ZZZ3: variants seen among roughly 807,000 people sequenced by gnomAD.
The protein encoded by ZZZ3 is zinc finger ZZ-type containing 3.
Under a neutral mutation model 95.2 loss-of-function variants are expected in ZZZ3, and 22 were observed. The ratio of observed to expected loss-of-function variants is 0.23; its 90% CI spans 0.17 to 0.33. ZZZ3 has a LOEUF of 0.33. ZZZ3 is among the 10% of genes least tolerant of loss of function. The pLI is 1.00. For missense variants in ZZZ3, 885 were observed against 1,066.5 expected, an observed-to-expected ratio of 0.83 and a Z score of 2.37; for synonymous variants, 335 against 358.9, an observed-to-expected ratio of 0.93 and a Z score of 0.75.
chr1:77,568,471 CAAAAAAAA>C lies in ZZZ3; in HGVS notation c.2332-13_2332-6del, dbSNP rs10581619. ...GATAGGAATACTTTCGTCATCCTATCAAAAAAAAAAAAAAAAAAAAATGTTGGTTTGGT... is the reference window on the plus strand; with the variant it reads ...GATAGGAATACTTTCGTCATCCTATCAAAAAAAAAAAAATGTTGGTTTGGT... On this transcript the variant is annotated splice_region_variant and splice_polypyrimidine_tract_variant and intron_variant, in intron 12 of 14. Coordinates refer to ENST00000370801, the MANE Select transcript of ZZZ3 (RefSeq NM_015534.6). 38 of 593,312 alleles carry C rather than the reference CAAAAAAAA, an allele frequency of 6.4e-5. No homozygotes were observed. The highest frequency in any genetic ancestry group is 2.4e-4 in the East Asian group (5 of 21,054). 36.8% of individuals were successfully genotyped at this position (593,312 alleles called of 1,614,324 possible). A position where few individuals can be genotyped will look rare whatever the true frequency, so the allele number is the denominator to read the frequency against.
chr1:77,653,753 CA>C (rs112277763), intron 1 of ZZZ3, among the ~76,000 whole-genome samples: 3 of 149,000 alleles, frequency 2.0e-5, no homozygotes, highest in African/African-American at 7.4e-5. Flanking sequence ...AACTCTGTCT[CA>C]AAAAAAAATT....
rs1162039716 is a variant in ZZZ3 at position 77,564,018 on chromosome 1, G to A, written c.*1622C>T. The A allele has an allele frequency of 2.6e-5, 4 of 151,744 alleles. No homozygotes were observed. Among genetic ancestry groups the A allele is most frequent in the Non-Finnish European group, 5.9e-5 (4 of 67,914 alleles). The allele number at this position is 151,744 out of a possible 1,614,324, so 9.4% of individuals were successfully genotyped here. On this transcript the variant is annotated 3_prime_UTR_variant, in exon 15 of 15. Transcript: ENST00000370801. The stretch of plus-strand genomic sequence containing the variant: ...AATAATGTTCCCTTGATTTAAAATA[G>A]GAAAAAACAGGTGATTCTAAAAATT...
At chr1:77,611,371 T>A (rs1210134914) in intron 5 of ZZZ3, among the ~76,000 whole-genome samples, 1 of 151,384 alleles carries the variant, frequency 6.6e-6, no homozygotes, top group Non-Finnish European at 1.5e-5. Context: ...TAGAAATACA[T>A]GGGAAGAATT....
At position 77,670,920 on chromosome 1, in the gene ZZZ3, T is replaced by C. The variant is rs566641829; in HGVS notation, c.-403+11665A>G. Among the ~76,000 whole-genome samples the C allele has an allele frequency of 2.0e-5, 3 of 151,252 alleles. No individual in the cohort carries two copies. The South Asian group carries it at 6.3e-4, about 32-fold the overall frequency. ...GCCAGGTGCATGGTACATACACACCTATAATCCCAGCTACCCAAGAAGCAG... is the reference window on the plus strand; with the variant it reads ...GCCAGGTGCATGGTACATACACACCCATAATCCCAGCTACCCAAGAAGCAG... On this transcript the variant is annotated intron_variant, in intron 1 of 14. Transcript: ENST00000370801.
intron 5 of ZZZ3, among the ~76,000 whole-genome samples, chr1:77,616,573 T>TA (rs1666335565): frequency 6.6e-6 from 1 of 152,146 alleles, no homozygotes; most frequent in African/African-American, 2.4e-5. Flanking sequence ...GGTAAAAAAT[T>TA]AAAATTGTCA....
intron 5 of ZZZ3, among the ~76,000 whole-genome samples, chr1:77,604,882 T>C (rs1665078725): frequency 6.6e-6 from 1 of 152,198 alleles, no homozygotes; most frequent in African/African-American, 2.4e-5. Context: ...CACGTATCCC[T>C]GCCAACACAC....
At chr1:77,584,466 A>C (rs764620060) in intron 6 of ZZZ3, 51 bp downstream of exon 6, 1 of 1,542,170 alleles carries the variant, frequency 6.5e-7, no homozygotes, top group Admixed American at 2.2e-5. Context: ...AATTCTCTTA[A>C]GCTATTCCCA....
chr1:77,565,862 G>T, intron 14 of ZZZ3, 78 bp from the exon 15 acceptor site: 1 of 1,378,964 alleles, frequency 7.3e-7, no homozygotes. Context: ...CTTCCTCACA[G>T]CTCTCCCTGT....
chr1:77,619,944 C>G (rs1388079288), intron 5 of ZZZ3, among the ~76,000 whole-genome samples: 2 of 151,912 alleles, frequency 1.3e-5, no homozygotes, highest in Non-Finnish European at 2.9e-5. Flanking sequence ...ATTTTCAAAG[C>G]AGTATAATGC....
chr1:77,676,317 C>A (rs1041346731), intron 1 of ZZZ3, among the ~76,000 whole-genome samples: 4 of 152,202 alleles, frequency 2.6e-5, no homozygotes, highest in African/African-American at 9.7e-5. Context: ...CAGGCGCACG[C>A]CACCACACCA....
At chr1:77,579,227 A>G (rs1662264002) in intron 10 of ZZZ3, among the ~76,000 whole-genome samples, 1 of 152,222 alleles carries the variant, frequency 6.6e-6, no homozygotes. Flanking sequence ...AATGAAACAA[A>G]TCTGTTTGCT....
intron 1 of ZZZ3, among the ~76,000 whole-genome samples, chr1:77,656,895 A>G (rs571033821): frequency 4.5e-4 from 69 of 152,256 alleles, no homozygotes; most frequent in Non-Finnish European, 8.5e-4. Flanking sequence ...AGTTCCTGCT[A>G]GCCTCTGACT....
At chr1:77,636,798 T>C (rs780088378) in intron 4 of ZZZ3, among the ~76,000 whole-genome samples, 3 of 150,878 alleles carry the variant, frequency 2.0e-5, no homozygotes, top group Non-Finnish European at 4.4e-5. Flanking sequence ...CACTGATTAA[T>C]ACAAAAGTTA....
At chr1:77,665,373 A>T (rs1246167571) in intron 1 of ZZZ3, among the ~76,000 whole-genome samples, 1 of 152,214 alleles carries the variant, frequency 6.6e-6, no homozygotes, top group Non-Finnish European at 1.5e-5. Context: ...GACATAAAGT[A>T]TGTCACAGGA....
chr1:77,576,246 T>C (rs1361370082), intron 11 of ZZZ3, 26 bp from the exon 12 acceptor site: 1 of 1,553,336 alleles, frequency 6.4e-7, no homozygotes, highest in Non-Finnish European at 8.7e-7. Context: ...AATTTTTAAT[T>C]GGTTCAGTGA....
At chr1:77,639,643 G>A (rs1668591641) in intron 3 of ZZZ3, 41 bp from the exon 4 acceptor site, 1 of 420,480 alleles carries the variant, frequency 2.4e-6, no homozygotes, top group African/African-American at 2.1e-5. Context: ...TAAAGAAGAT[G>A]ATGAACTTAT....
intron 12 of ZZZ3, among the ~76,000 whole-genome samples, 183 bp downstream of exon 12, chr1:77,575,885 C>T (rs1340302024): frequency 1.3e-5 from 2 of 152,094 alleles, no homozygotes; most frequent in East Asian, 3.8e-4. Flanking sequence ...TGTTAAGGTT[C>T]ATTATACTAT....
intron 13 of ZZZ3, among the ~76,000 whole-genome samples, chr1:77,566,497 T>A (rs1384312269): frequency 6.6e-6 from 1 of 152,202 alleles, no homozygotes; most frequent in Non-Finnish European, 1.5e-5. Flanking sequence ...TTTGTAATCA[T>A]CTACTTGAAA....
upstream of ZZZ3, chr1:77,682,706 T>C (rs905955744): frequency 2.0e-5 from 3 of 152,114 alleles, no homozygotes; most frequent in Non-Finnish European, 4.4e-5. Context: ...CCCACTCGCA[T>C]CTCGCGAGCT....
Sources: gnomAD v4.1 joint callset for allele counts (sites outside exome capture counted in the v4.1 genomes callset) on GRCh38, gnomAD v4.1.1 for gene constraint, MANE v1.5 for transcripts, NCBI Gene and HGNC (gene_info 2026-07-23, HGNC 2026-07-21) for gene names.